The following KIF3B variants were observed in gnomAD, a reference collection of about 807,000 sequenced individuals.
KIF3B encodes the protein kinesin family member 3B, also known as kinesin-like protein KIF3B.
KIF3B carries 38 observed loss-of-function variants against 74.3 expected under a neutral mutation model. The ratio of observed to expected loss-of-function variants is 0.51; its 90% CI spans 0.39 to 0.67. KIF3B has a LOEUF of 0.67. Ranked by LOEUF, KIF3B falls within the 30% of genes least tolerant of loss-of-function variation. The probability of loss-of-function intolerance (pLI) is 0.00; values close to 1 mark genes in which losing one functional copy is unlikely to be tolerated. For missense variants in KIF3B, 649 were observed against 932.0 expected (o/e 0.70, Z 3.95); for synonymous variants, 326 against 342.5 (o/e 0.95, Z 0.53).
At chr20:32,307,158 C>G (rs537349184) in intron 1 of KIF3B, among the ~76,000 whole-genome samples, 7 of 152,280 alleles carry the variant, frequency 4.6e-5, no homozygotes, top group Admixed American at 3.9e-4. Context: ...AAGCCTCCCC[C>G]ATTATGGACA....
intron 5 of KIF3B, among the ~76,000 whole-genome samples, chr20:32,326,077 G>A (rs766960579): frequency 6.6e-6 from 1 of 151,936 alleles, no homozygotes; most frequent in Non-Finnish European, 1.5e-5. Context: ...TTTCCTTTTG[G>A]CATTGTTTTG....
At chr20:32,330,938 A>T (rs1436152081) in intron 8 of KIF3B, among the ~76,000 whole-genome samples, 1 of 152,234 alleles carries the variant, frequency 6.6e-6, no homozygotes, top group Non-Finnish European at 1.5e-5. Flanking sequence ...CTGCAAACTT[A>T]ATATTTTTTT....
chr20:32,317,707 AG>A (rs2047835294), intron 5 of KIF3B, among the ~76,000 whole-genome samples: 1 of 151,190 alleles, frequency 6.6e-6, no homozygotes, highest in Non-Finnish European at 1.5e-5. Context: ...GCACAATCAC[AG>A]TTCACAGCAG....
rs2122693090 is a variant in KIF3B at position 32,311,048 on chromosome 20, A to G, written c.1271A>G (p.Glu424Gly). ...GAACAGCAAGAAAAACTGGAGATTGAGAAGCGGGCCATTGTAGAGGATCAC... is the reference window on the plus strand; with the variant it reads ...GAACAGCAAGAAAAACTGGAGATTGGGAAGCGGGCCATTGTAGAGGATCAC... ...WREQQEKLEI[E>G]KRAIVEDHSL... The change falls in exon 2 of 9, where the codon GAG (glutamate) becomes GGG (glycine). Residue 424 changes from glutamate (E) to glycine (G), a missense_variant. Physicochemically the swap from Glu to Gly is moderately conservative, Grantham distance 98 (BLOSUM62 -2). This residue lies in a region of KIF3B where 363 missense variants were observed against 592.8 expected (regional missense o/e 0.61). Transcript: ENST00000375712. 1 of 1,613,518 alleles carries G rather than the reference A, an allele frequency of 6.2e-7. No homozygotes were observed. The highest frequency in any genetic ancestry group is 2.2e-5 in the East Asian group (1 of 44,870).
Position 32,310,868 on chromosome 20 carries a change from G to A in KIF3B, c.1091G>A (p.Arg364Gln), listed in dbSNP as rs760392046. ...LLREFQEEIA[R>Q]LKAQLEKRSI... ...CGAGAATTCCAGGAAGAGATTGCTC[G>A]GCTCAAGGCCCAGCTGGAAAAACGG... The change falls in exon 2 of 9, where the codon CGG becomes CAG. Residue 364 changes from arginine (R) to glutamine (Q), a missense_variant. By Grantham distance (43) the Arg-to-Gln change is conservative. Transcript: ENST00000375712. This position sits in a 1 kb window ranked among gnomAD's most constrained non-coding sequence, Gnocchi z 6.5. The A allele has an allele frequency of 2.5e-6, 4 of 1,613,966 alleles. No individual in the cohort carries two copies. The highest frequency in any genetic ancestry group is 2.2e-5 in the South Asian group (2 of 91,056).
chr20:32,296,039 A>G (rs1488483687), intron 1 of KIF3B, among the ~76,000 whole-genome samples: 7 of 151,040 alleles, frequency 4.6e-5, no homozygotes, highest in Non-Finnish European at 8.9e-5. Flanking sequence ...TAAGTTTTGT[A>G]CTTGTAGTAG....
intron 1 of KIF3B, among the ~76,000 whole-genome samples, chr20:32,279,522 A>G (rs1385676806): frequency 1.3e-5 from 2 of 149,716 alleles, no homozygotes; most frequent in Admixed American, 6.7e-5. Flanking sequence ...CTGGAGTGCA[A>G]TGGTGCCATC....
At chr20:32,297,673 A>G (rs1453376403) in intron 1 of KIF3B, among the ~76,000 whole-genome samples, 1 of 152,162 alleles carries the variant, frequency 6.6e-6, no homozygotes, top group Admixed American at 6.6e-5. Context: ...CCAGCCAGGA[A>G]GTATAAATGA....
chr20:32,316,916 G>T, intron 5 of KIF3B, 42 bp downstream of exon 5: 1 of 1,365,642 alleles, frequency 7.3e-7, no homozygotes, highest in South Asian at 1.2e-5. Context: ...GCCACTTGCT[G>T]AGTCATTGAT....
chr20:32,288,350 T>C (rs2047676633), intron 1 of KIF3B, among the ~76,000 whole-genome samples: 1 of 151,724 alleles, frequency 6.6e-6, no homozygotes, highest in African/African-American at 2.4e-5. Flanking sequence ...TTTACCCGGG[T>C]GCAGTGGCTT....
Position 32,324,963 on chromosome 20 carries a change from G to A in KIF3B, c.1749-1808G>A, listed in dbSNP as rs536695972. Among the ~76,000 whole-genome samples the A allele has an allele frequency of 6.6e-5, 10 of 152,232 alleles. No individual in the cohort carries two copies. In the South Asian group the frequency reaches 2.1e-3, roughly 32 times the overall value. ...CGAGAATCGCTTGAACCTGGGAGAC[G>A]AAGGTTGCAGTGGGCTGAGATTGCG... On this transcript the variant is annotated intron_variant, in intron 5 of 8. Transcript: ENST00000375712.
intron 5 of KIF3B, among the ~76,000 whole-genome samples, chr20:32,323,288 G>C (rs2047885463): frequency 6.7e-6 from 1 of 148,162 alleles, no homozygotes. Context: ...TCCACATTCA[G>C]ATTTTCTTGG....
chr20:32,324,836 C>T (rs895884774), intron 5 of KIF3B, among the ~76,000 whole-genome samples: 2 of 152,118 alleles, frequency 1.3e-5, no homozygotes, highest in Non-Finnish European at 2.9e-5. Flanking sequence ...CAAGACCAGC[C>T]TGGGCAACAT....
intron 1 of KIF3B, among the ~76,000 whole-genome samples, chr20:32,299,403 A>ATATATATTTTTTT (rs1555895046): frequency 6.7e-4 from 6 of 9,022 alleles, no homozygotes; most frequent in Non-Finnish European, 8.6e-4. Flanking sequence ...ATATATATAT[A>ATATATATTTTTTT]TTTTTTTTTT....
At chr20:32,306,416 T>C (rs1349999402) in intron 1 of KIF3B, among the ~76,000 whole-genome samples, 2 of 151,956 alleles carry the variant, frequency 1.3e-5, no homozygotes, top group African/African-American at 2.4e-5. Flanking sequence ...AAATTATTGA[T>C]TGAATGAGTG....
intron 5 of KIF3B, among the ~76,000 whole-genome samples, chr20:32,318,068 G>T (rs1397863776): frequency 6.6e-6 from 1 of 152,096 alleles, no homozygotes; most frequent in East Asian, 1.9e-4. Flanking sequence ...TTGGGAGGCC[G>T]AGGCAGGTGG....
In KIF3B at chr20:32,327,030, C is replaced by T. The variant is rs546526605; in HGVS notation, c.1862+146C>T. The T allele has an allele frequency of 6.3e-5, 35 of 557,926 alleles. No individual in the cohort carries two copies. In the South Asian group the frequency reaches 8.3e-4, roughly 13 times the overall value. The allele number at this position is 557,926 out of a possible 1,614,324, so 34.6% of individuals were successfully genotyped here. A position where few individuals can be genotyped will look rare whatever the true frequency, so the allele number is the denominator to read the frequency against. ...CAAAACCCACTGCATTACTGATTTT[C>T]TAGCTGCCATAGATCCACCAGGTAA... On this transcript the variant is annotated intron_variant, in intron 6 of 8. Transcript: ENST00000375712.
chr20:32,325,564 A>G (rs2047898277), intron 5 of KIF3B, among the ~76,000 whole-genome samples: 1 of 149,604 alleles, frequency 6.7e-6, no homozygotes, highest in Admixed American at 6.7e-5. Context: ...TATAAAAAAT[A>G]GTTTCTGAAA....
chr20:32,321,872 AATAGACTACAGT>A (rs568080854), intron 5 of KIF3B, among the ~76,000 whole-genome samples: 150 of 152,308 alleles, frequency 9.8e-4, no homozygotes, highest in African/African-American at 3.5e-3. Flanking sequence ...TTATACATTT[AATAGACTACAGT>A]ATAGTGTAAG....
Sources: gnomAD v4.1 joint callset for allele counts (sites outside exome capture counted in the v4.1 genomes callset) on GRCh38, gnomAD v4.1.1 for gene constraint, gnomAD v4.1.1 regional missense constraint, Gnocchi (gnomAD v3.1) non-coding constraint, MANE v1.5 for transcripts, NCBI Gene and HGNC (gene_info 2026-07-23, HGNC 2026-07-21) for gene names.